The following SEMA6B variants were observed in gnomAD, a reference collection of about 807,000 sequenced individuals.
SEMA6B encodes semaphorin 6B.
A neutral mutation model predicts 78.6 loss-of-function variants in SEMA6B; 47 were observed. The observed-to-expected ratio is 0.60, with a 90% CI of 0.47 to 0.76. The LOEUF is 0.76. SEMA6B is among the 30% of genes least tolerant of loss of function. SEMA6B has a pLI of 0.00. For missense variants in SEMA6B, 1,213 were observed against 1,269.9 expected, an observed-to-expected ratio of 0.96 and a Z score of 0.68; for synonymous variants, 632 against 592.2, an observed-to-expected ratio of 1.07 and a Z score of -0.98.
chr19:4,546,616 T>A (rs1568253012), intron 14 of SEMA6B, 147 bp from the exon 15 acceptor site: 3 of 441,752 alleles, frequency 6.8e-6, no homozygotes, highest in South Asian at 1.4e-4. Flanking sequence ...ATTTCGCTCT[T>A]GTTGTTTATT....
In SEMA6B at chr19:4,558,570, CCTT is replaced by C. The variant is rs1001684935; in HGVS notation, c.-32-84_-32-82del. Reference sequence around the variant, plus strand: ...ACGGCGGGCGAGAGCAGCAGACGCTCCTTCAAATCCCAGAAAAATTCCTCACGG... The same window carrying C: ...ACGGCGGGCGAGAGCAGCAGACGCTCCAAATCCCAGAAAAATTCCTCACGG... On this transcript the variant is annotated intron_variant, in intron 1 of 16. Transcript: ENST00000586582. This position sits in a 1 kb window ranked among gnomAD's most constrained non-coding sequence, Gnocchi z 5.1. 3 of 846,126 alleles carry C rather than the reference CCTT, an allele frequency of 3.5e-6. No homozygotes were observed. Among genetic ancestry groups the C allele is most frequent in the Non-Finnish European group, 4.7e-6 (3 of 636,096 alleles). 52.4% of individuals were successfully genotyped at this position (846,126 alleles called of 1,614,324 possible).
Position 4,544,156 on chromosome 19 carries a change from C to G in SEMA6B, c.2112G>C (p.Ser704=), listed in dbSNP as rs766025067. 1 of 1,272,128 alleles carries G rather than the reference C, an allele frequency of 7.9e-7. No individual in the cohort carries two copies. The highest frequency in any genetic ancestry group is 9.9e-7 in the Non-Finnish European group (1 of 1,011,262). 78.8% of individuals were successfully genotyped at this position (1,272,128 alleles called of 1,614,324 possible). Residue 704 remains serine, a synonymous_variant, in exon 17 of 17, where the codon TCG becomes TCC. Transcript: ENST00000586582. This position sits in a 1 kb window ranked among gnomAD's most constrained non-coding sequence, Gnocchi z 5.1. Reference sequence around the variant, plus strand: ...TCTGCTCGGGCGTGGGCAGCAGCCCCGAGTCCAGGTCGTGGGGCCCGCCCT... The same window carrying G: ...TCTGCTCGGGCGTGGGCAGCAGCCCGGAGTCCAGGTCGTGGGGCCCGCCCT... ...LLQGGPHDLD[S]GLLPTPEQTP...
rs959359845 is a variant in SEMA6B at position 4,558,899 on chromosome 19, T to C, written c.-32-410A>G. ...AGAGTCAAAGGCTCTTGGAATTTTA[T>C]AAGCCACAAGCTGGCTGTGTGTGGT... is the stretch of plus-strand genomic sequence containing the variant. On this transcript the variant is annotated intron_variant, in intron 1 of 16. Coordinates refer to ENST00000586582, the MANE Select transcript of SEMA6B (RefSeq NM_032108.4). This position sits in a 1 kb window ranked among gnomAD's most constrained non-coding sequence, Gnocchi z 5.1. Among the ~76,000 whole-genome samples, 7 of 151,894 alleles carry C rather than the reference T, an allele frequency of 4.6e-5. No individual in the cohort carries two copies. The highest frequency in any genetic ancestry group is 1.0e-4 in the Non-Finnish European group (7 of 68,002).
At position 4,542,720 on chromosome 19, in the gene SEMA6B, G is replaced by A. The variant is rs1977047215; in HGVS notation, c.*881C>T. 2.9e-6 allele frequency: 2 copies of A among 687,966 alleles called. No homozygotes were observed. Among genetic ancestry groups the A allele is most frequent in the Non-Finnish European group, 5.3e-6 (2 of 376,030 alleles). 42.6% of individuals were successfully genotyped at this position (687,966 alleles called of 1,614,324 possible). A position where few individuals can be genotyped will look rare whatever the true frequency, so the allele number is the denominator to read the frequency against. ...AGGTCAGAGGGGGGAGGTCACAAGG[G>A]GACGGGTGGCATGGGACTCTCTCAC... is the stretch of plus-strand genomic sequence containing the variant. On this transcript the variant is annotated 3_prime_UTR_variant, in exon 17 of 17. Coordinates refer to ENST00000586582, the MANE Select transcript of SEMA6B (RefSeq NM_032108.4).
rs1469671475 is a variant in SEMA6B, at chr19:4,542,827, C to T, written c.*774G>A. ...CCCAAGCCCTTTAGACAGCTGCTGC[C>T]GATGTGACTTCCGGGCAGGCCCTCC... is the stretch of plus-strand genomic sequence containing the variant. On this transcript the variant is annotated 3_prime_UTR_variant, in exon 17 of 17. Coordinates refer to ENST00000586582, the MANE Select transcript of SEMA6B (RefSeq NM_032108.4). 4.3e-6 allele frequency: 3 copies of T among 701,836 alleles called. No homozygotes were observed. Among genetic ancestry groups the T allele is most frequent in the South Asian group, 3.0e-5 (2 of 67,124 alleles). 43.5% of individuals were successfully genotyped at this position (701,836 alleles called of 1,614,324 possible). A position where few individuals can be genotyped will look rare whatever the true frequency, so the allele number is the denominator to read the frequency against.
rs1977044648 is a variant in SEMA6B at position 4,542,603 on chromosome 19, CAG to C, written c.*996_*997del. On this transcript the variant is annotated 3_prime_UTR_variant, in exon 17 of 17. Transcript: ENST00000586582. ...AGTCATGGGGGCCGGTGGTTGTAAA[CAG>C]AGTTTTATTGATGGGGAGGGGGCTG... 6 of 476,598 alleles carry C rather than the reference CAG, an allele frequency of 1.3e-5. No homozygotes were observed. The highest frequency in any genetic ancestry group is 4.0e-5 in the South Asian group (2 of 50,128). 29.5% of individuals were successfully genotyped at this position (476,598 alleles called of 1,614,324 possible). A position where few individuals can be genotyped will look rare whatever the true frequency, so the allele number is the denominator to read the frequency against.
rs991503722 is a variant in SEMA6B, at chr19:4,544,374, G to A, written c.1894C>T (p.Arg632Trp). The A allele has an allele frequency of 3.8e-6, 6 of 1,585,912 alleles. No homozygotes were observed. In the Admixed American group the frequency reaches 8.7e-5, roughly 23 times the overall value. ...AGGATGGCCTCCTTGTCCTTGCGCCGGGCCAGCTCCCGCCGCTCACGGAGG... is the reference window on the plus strand; with the variant it reads ...AGGATGGCCTCCTTGTCCTTGCGCCAGGCCAGCTCCCGCCGCTCACGGAGG... ...VGLRERRELA[R>W]RKDKEAILAH... is the part of the protein sequence containing the mutation. Residue 632 changes from arginine to tryptophan, a missense_variant, in exon 17 of 17, where the codon CGG (arginine) becomes TGG (tryptophan). Transcript: ENST00000586582. This position sits in a 1 kb window ranked among gnomAD's most constrained non-coding sequence, Gnocchi z 5.1.
Position 4,555,471 on chromosome 19 carries a change from T to C in SEMA6B, c.562+3A>G. ...ATCAGATGGAGGTTGGGGGGGTACTTACCAGAGAAGAGGGCAACATTGGCG... is the reference window on the plus strand; with the variant it reads ...ATCAGATGGAGGTTGGGGGGGTACTCACCAGAGAAGAGGGCAACATTGGCG... On this transcript the variant is annotated splice_donor_region_variant and intron_variant, in intron 7 of 16. Coordinates refer to ENST00000586582, the MANE Select transcript of SEMA6B (RefSeq NM_032108.4). The surrounding 1 kb of genome is among the most constrained non-coding windows in gnomAD (Gnocchi z 6.1). 2 of 1,610,694 alleles carry C rather than the reference T, an allele frequency of 1.2e-6. No homozygotes were observed. Among genetic ancestry groups the C allele is most frequent in the Non-Finnish European group, 1.7e-6 (2 of 1,178,440 alleles).
chr19:4,547,920 C>T (rs763923952), intron 14 of SEMA6B, 107 bp downstream of exon 14: 16 of 1,372,316 alleles, frequency 1.2e-5, no homozygotes, highest in Non-Finnish European at 1.4e-5. Context: ...CTCTGCCCAG[C>T]TCAATGACCA....
chr19:4,555,217 C>T lies in SEMA6B; in HGVS notation c.563-122G>A, dbSNP rs1977435789. The T allele has an allele frequency of 9.0e-7, 1 of 1,107,552 alleles. No individual in the cohort carries two copies. The highest frequency in any genetic ancestry group is 1.5e-5 in the African/African-American group (1 of 64,690). The allele number at this position is 1,107,552 out of a possible 1,614,324, so 68.6% of individuals were successfully genotyped here. ...GCCTAGGGGAGCCCCTGTCTCCAGG[C>T]TGAGCCCTGATCCCATCCAAGCCCC... On this transcript the variant is annotated intron_variant, in intron 7 of 16. Transcript: ENST00000586582. This position sits in a 1 kb window ranked among gnomAD's most constrained non-coding sequence, Gnocchi z 6.1.
At position 4,555,945 on chromosome 19, in the gene SEMA6B, G is replaced by A; in HGVS notation, c.471+43C>T. 6.7e-7 allele frequency: 1 copy of A among 1,486,338 alleles called. No homozygotes were observed. The highest frequency in any genetic ancestry group is 9.4e-7 in the Non-Finnish European group (1 of 1,063,772). 92.1% of individuals were successfully genotyped at this position (1,486,338 alleles called of 1,614,324 possible). A position where few individuals can be genotyped will look rare whatever the true frequency, so the allele number is the denominator to read the frequency against. ...GCCAGCGGAGGTCGGGCGAGCAGAG[G>A]CCTGGAGGTTGGACCTGGGGCGCAG... On this transcript the variant is annotated intron_variant, in intron 6 of 16. Transcript: ENST00000586582. The surrounding 1 kb of genome is among the most constrained non-coding windows in gnomAD (Gnocchi z 6.1).
chr19:4,552,439 A>G lies in SEMA6B; in HGVS notation c.972T>C (p.Phe324=). 1 of 1,590,650 alleles carries G rather than the reference A, an allele frequency of 6.3e-7. No homozygotes were observed. Among genetic ancestry groups the G allele is most frequent in the Non-Finnish European group, 8.6e-7 (1 of 1,169,138 alleles). ...LGGRPVVLAV[F]STPSNSIPGS... is the part of the protein sequence containing the mutation. ...GCGCTGACCTGTTGCTGGGCGTGGA[A>G]AAAACGGCCAGGACCACGGGCCGGC... The change falls in exon 10 of 17, where the codon TTT becomes TTC. Residue 324 remains phenylalanine, a synonymous_variant. Coordinates refer to ENST00000586582, the MANE Select transcript of SEMA6B (RefSeq NM_032108.4). This position sits in a 1 kb window ranked among gnomAD's most constrained non-coding sequence, Gnocchi z 7.4.
At chr19:4,549,299 C>CTTTTTTT (rs55771429) in intron 12 of SEMA6B, among the ~76,000 whole-genome samples, 3 of 98,586 alleles carry the variant, frequency 3.0e-5, no homozygotes, top group African/African-American at 3.9e-5. Flanking sequence ...CTGTCTACCT[C>CTTTTTTT]TTTTTTTTTT....
In SEMA6B at chr19:4,557,021, C is replaced by T; in HGVS notation, c.307-8G>A. The T allele has an allele frequency of 6.2e-7, 1 of 1,612,444 alleles. No individual in the cohort carries two copies. Among genetic ancestry groups the T allele is most frequent in the Non-Finnish European group, 8.5e-7 (1 of 1,179,202 alleles). ...AGATCTCCAGGTCAGCTTCTGCAGA[C>T]AGAGAGAGCTGGTGAGGGGGTAACG... On this transcript the variant is annotated splice_polypyrimidine_tract_variant and splice_region_variant and intron_variant, in intron 4 of 16. Transcript: ENST00000586582.
At position 4,558,120 on chromosome 19, in the gene SEMA6B, T is replaced by C. The variant is rs1753539581; in HGVS notation, c.151A>G (p.Ser51Gly). 4 of 1,520,858 alleles carry C rather than the reference T, an allele frequency of 2.6e-6. No homozygotes were observed. In the South Asian group the frequency reaches 5.0e-5, roughly 19 times the overall value. The allele number at this position is 1,520,858 out of a possible 1,614,324, so 94.2% of individuals were successfully genotyped here. The change falls in exon 3 of 17, where the codon AGC becomes GGC. Residue 51 changes from serine to glycine, a missense_variant. Transcript: ENST00000586582. The surrounding 1 kb of genome is among the most constrained non-coding windows in gnomAD (Gnocchi z 5.1). ...GCGGGGGTCAGGCGTCCGGGCCCGC[T>C]GCCCACAAACACGGGATAGTGGTTC... ...YLNHYPVFVG[S>G]GPGRLTPAEG...
At position 4,548,452 on chromosome 19, in the gene SEMA6B, G is replaced by T. The variant is rs565999036; in HGVS notation, c.1272-7C>A. ...CACTCGAGTCAGCTGGTGCCTGGGG[G>T]ACAGGGCAGGGGAGGGTCAGGCTGG... On this transcript the variant is annotated splice_polypyrimidine_tract_variant and splice_region_variant and intron_variant, in intron 12 of 16. Coordinates refer to ENST00000586582, the MANE Select transcript of SEMA6B (RefSeq NM_032108.4). The T allele has an allele frequency of 5.0e-6, 8 of 1,609,670 alleles. No homozygotes were observed. The East Asian group carries it at 1.8e-4, about 36-fold the overall frequency.
chr19:4,552,748 G>T lies in SEMA6B; in HGVS notation c.772-109C>A. Reference sequence around the variant, plus strand: ...ACTGTGATGGAGGAGTCTGACCCTGGCTCTGGTGGGACCCCGGCCAGTCAC... The same window carrying T: ...ACTGTGATGGAGGAGTCTGACCCTGTCTCTGGTGGGACCCCGGCCAGTCAC... On this transcript the variant is annotated intron_variant, in intron 9 of 16. Transcript: ENST00000586582. The surrounding 1 kb of genome is among the most constrained non-coding windows in gnomAD (Gnocchi z 7.4). 2.8e-6 allele frequency: 3 copies of T among 1,055,546 alleles called. No individual in the cohort carries two copies. Among genetic ancestry groups the T allele is most frequent in the Non-Finnish European group, 4.0e-6 (3 of 744,504 alleles). 65.4% of individuals were successfully genotyped at this position (1,055,546 alleles called of 1,614,324 possible).
chr19:4,558,292 C>G lies in SEMA6B; in HGVS notation c.121+45G>C. 7.6e-7 allele frequency: 1 copy of G among 1,313,790 alleles called. No homozygotes were observed. The highest frequency in any genetic ancestry group is 2.9e-5 in the East Asian group (1 of 34,564). The allele number at this position is 1,313,790 out of a possible 1,614,324, so 81.4% of individuals were successfully genotyped here. On this transcript the variant is annotated intron_variant, in intron 2 of 16. Transcript: ENST00000586582. The surrounding 1 kb of genome is among the most constrained non-coding windows in gnomAD (Gnocchi z 5.1). Reference sequence around the variant, plus strand: ...GCAGACCCAACTGGGAACCCAGATACTCCCACGGGACTCCACCCCCGCCCA... The same window carrying G: ...GCAGACCCAACTGGGAACCCAGATAGTCCCACGGGACTCCACCCCCGCCCA...
chr19:4,545,816 G>C (rs897229236), intron 16 of SEMA6B: 8 of 158,858 alleles, frequency 5.0e-5, no homozygotes, highest in Non-Finnish European at 8.3e-5. Flanking sequence ...CTGTCGTCCA[G>C]GCTGGAGTGC....
Sources: gnomAD v4.1 joint callset for allele counts (sites outside exome capture counted in the v4.1 genomes callset) on GRCh38, gnomAD v4.1.1 for gene constraint, Gnocchi (gnomAD v3.1) non-coding constraint, MANE v1.5 for transcripts, NCBI Gene and HGNC (gene_info 2026-07-23, HGNC 2026-07-21) for gene names.